The following MATCAP1 variants were observed in gnomAD, a reference collection of about 807,000 sequenced individuals.
MATCAP1 encodes the protein microtubule-associated tyrosine carboxypeptidase 1.
At chr16:67,180,673 A>G in the MATCAP1 span, 2 of 1,262,156 alleles carry the variant, frequency 1.6e-6, no homozygotes, top group South Asian at 3.1e-5. Flanking sequence ...ACCTCTGGGG[A>G]CACAGAAGGG....
At chr16:67,179,757 G>A in the MATCAP1 span, 12 of 1,604,946 alleles carry the variant, frequency 7.5e-6, no homozygotes, top group South Asian at 2.2e-5. The surrounding 1 kb of genome is among the most constrained non-coding windows in gnomAD (Gnocchi z 5.2). Context: ...ACCTGGGACC[G>A]CCCACAAGAC....
the MATCAP1 span, chr16:67,179,745 G>T: frequency 1.3e-6 from 2 of 1,596,992 alleles, no homozygotes; most frequent in African/African-American, 2.7e-5. This position sits in a 1 kb window ranked among gnomAD's most constrained non-coding sequence, Gnocchi z 5.2. Flanking sequence ...GTGTGGAGCT[G>T]GACCTGGGAC....
At chr16:67,179,580 C>G in the MATCAP1 span, 2 of 1,606,026 alleles carry the variant, frequency 1.2e-6, no homozygotes, top group South Asian at 1.1e-5. This position sits in a 1 kb window ranked among gnomAD's most constrained non-coding sequence, Gnocchi z 5.2. Flanking sequence ...TGGCAGTGCT[C>G]TGAGCCATGG....
chr16:67,180,076 T>C, the MATCAP1 span: 1 of 1,614,194 alleles, frequency 6.2e-7, no homozygotes, highest in East Asian at 2.2e-5. Context: ...TCGCAGTACT[T>C]TTCCAGCACA....
At chr16:67,180,790 C>G in the MATCAP1 span, 1 of 433,406 alleles carries the variant, frequency 2.3e-6, no homozygotes. Flanking sequence ...TACCAGGGGT[C>G]TGATTGGCTG....
chr16:67,178,323 G>C, the MATCAP1 span: 8 of 1,582,174 alleles, frequency 5.1e-6, no homozygotes, highest in Non-Finnish European at 6.0e-6. Flanking sequence ...GCGCGGCGCG[G>C]TGGATGGTGT....
At chr16:67,182,356 C>T in the MATCAP1 span, among the ~76,000 whole-genome samples, 1 of 152,200 alleles carries the variant, frequency 6.6e-6, no homozygotes, top group Non-Finnish European at 1.5e-5. Context: ...CTGGTCATCC[C>T]TGTCTCCCTG....
At chr16:67,182,618 T>C in the MATCAP1 span, among the ~76,000 whole-genome samples, 1 of 152,268 alleles carries the variant, frequency 6.6e-6, no homozygotes, top group South Asian at 2.1e-4. Flanking sequence ...CACAGGCACA[T>C]GCCATCATGT....
chr16:67,181,965 T>G, the MATCAP1 span, among the ~76,000 whole-genome samples: 1 of 152,180 alleles, frequency 6.6e-6, no homozygotes, highest in Non-Finnish European at 1.5e-5. Flanking sequence ...CACTACCTCC[T>G]GGAGGCCAGG....
At chr16:67,176,777 G>A in the MATCAP1 span, 99 of 1,524,442 alleles carry the variant, frequency 6.5e-5, no homozygotes, top group Non-Finnish European at 8.3e-5. This position sits in a 1 kb window ranked among gnomAD's most constrained non-coding sequence, Gnocchi z 4.3. Context: ...TGGAGCTTCT[G>A]TCCAGGGCCT....
chr16:67,176,122 A>AGTGTGTG, the MATCAP1 span: 1 of 96,486 alleles, frequency 1.0e-5, no homozygotes, highest in East Asian at 3.2e-4. This position sits in a 1 kb window ranked among gnomAD's most constrained non-coding sequence, Gnocchi z 4.3. Flanking sequence ...TGTGTGTGTA[A>AGTGTGTG]TGGGAGTGGG....
At chr16:67,180,191 C>T in the MATCAP1 span, 1 of 1,614,204 alleles carries the variant, frequency 6.2e-7, no homozygotes, top group South Asian at 1.1e-5. Context: ...GCAGGGCCAC[C>T]AACATGCAGG....
At chr16:67,177,107 G>A in the MATCAP1 span, 1 of 693,542 alleles carries the variant, frequency 1.4e-6, no homozygotes, top group Non-Finnish European at 2.2e-6. Flanking sequence ...TCCACAATTA[G>A]CTACAACGTT....
chr16:67,179,662 G>A, the MATCAP1 span: 1 of 1,467,336 alleles, frequency 6.8e-7, no homozygotes. The surrounding 1 kb of genome is among the most constrained non-coding windows in gnomAD (Gnocchi z 5.2). Context: ...CAATTGGCCA[G>A]GGCACCCACC....
chr16:67,176,922 G>A, the MATCAP1 span: 1 of 1,607,532 alleles, frequency 6.2e-7, no homozygotes, highest in South Asian at 1.1e-5. The surrounding 1 kb of genome is among the most constrained non-coding windows in gnomAD (Gnocchi z 4.3). Context: ...GGGGCACCCG[G>A]GTATTATCCA....
chr16:67,179,703 A>C, the MATCAP1 span: 1 of 1,521,746 alleles, frequency 6.6e-7, no homozygotes, highest in Non-Finnish European at 9.0e-7. The surrounding 1 kb of genome is among the most constrained non-coding windows in gnomAD (Gnocchi z 5.2). Context: ...ACCAGCTCCC[A>C]CCTCACTGGG....
chr16:67,180,124 T>C, the MATCAP1 span: 1 of 1,614,176 alleles, frequency 6.2e-7, no homozygotes, highest in East Asian at 2.2e-5. Flanking sequence ...AACTGTGGAT[T>C]GTAGGTGTAA....
the MATCAP1 span, chr16:67,180,703 G>A: frequency 1.1e-6 from 1 of 942,026 alleles, no homozygotes; most frequent in Non-Finnish European, 1.5e-6. Context: ...ACCAGCATGA[G>A]TGGGTGTGAC....
chr16:67,180,212 G>A, the MATCAP1 span: 1 of 1,614,204 alleles, frequency 6.2e-7, no homozygotes, highest in Non-Finnish European at 8.5e-7. Flanking sequence ...GGCTCTTGCT[G>A]GCAATATGGC....
Sources: gnomAD v4.1 joint callset for allele counts (sites outside exome capture counted in the v4.1 genomes callset) on GRCh38, gnomAD v4.1.1 for gene constraint, Gnocchi (gnomAD v3.1) non-coding constraint, MANE v1.5 for transcripts, NCBI Gene and HGNC (gene_info 2026-07-23, HGNC 2026-07-21) for gene names.